Variants in ANKRD10 observed in about 807,000 individuals in gnomAD.
ANKRD10 encodes ankyrin repeat domain 10, also known as ankyrin repeat domain-containing protein 10.
A neutral mutation model predicts 27.0 loss-of-function variants in ANKRD10; 14 were observed. The observed-to-expected ratio is 0.52, with a 90% CI of 0.34 to 0.81. ANKRD10 has a LOEUF of 0.81. Among genes scored for constraint, ANKRD10 ranks in the 40% least tolerant of loss-of-function variants. The probability of loss-of-function intolerance (pLI) is 0.01; values close to 1 mark genes in which losing one functional copy is unlikely to be tolerated. For missense variants in ANKRD10, 493 were observed against 544.0 expected, an observed-to-expected ratio of 0.91 and a Z score of 0.93; for synonymous variants, 250 against 224.5, an observed-to-expected ratio of 1.11 and a Z score of -1.01.
At position 110,879,701 on chromosome 13, in the gene ANKRD10, A is replaced by T; in HGVS notation, c.1199T>A (p.Val400Glu). 1 of 1,614,164 alleles carries T rather than the reference A, an allele frequency of 6.2e-7. No homozygotes were observed. Among genetic ancestry groups the T allele is most frequent in the African/African-American group, 1.3e-5 (1 of 75,040 alleles). Reference protein sequence around the residue: ...LNSVVEHSKSVKVQERYDSAV... With the variant: ...LNSVVEHSKSEKVQERYDSAV... ...ACTGTCGTACCGCTCCTGCACCTTC[A>T]CGGACTTGGAATGCTCGACCACACT... The change falls in exon 6 of 6, where the codon GTG becomes GAG. Residue 400 changes from valine (V) to glutamate (E), a missense_variant. Val to Glu is a moderately radical substitution (Grantham distance 121). Coordinates refer to ENST00000267339, the MANE Select transcript of ANKRD10 (RefSeq NM_017664.4).
intron 2 of ANKRD10, 89 bp from the exon 3 acceptor site, chr13:110,906,213 T>C: frequency 1.0e-6 from 1 of 975,810 alleles, no homozygotes; most frequent in Non-Finnish European, 1.5e-6. Flanking sequence ...ATCAGAGACC[T>C]TCTCATCCTT....
intron 4 of ANKRD10, among the ~76,000 whole-genome samples, chr13:110,886,998 G>A (rs2138826906): frequency 1.3e-5 from 2 of 152,216 alleles, no homozygotes; most frequent in East Asian, 3.9e-4. Flanking sequence ...ACCTATCTAG[G>A]ACTAGCTCAA....
At chr13:110,914,441 T>G in intron 1 of ANKRD10, 1 of 267,148 alleles carries the variant, frequency 3.7e-6, no homozygotes, top group Non-Finnish European at 6.9e-6. Flanking sequence ...GCCCGCCTTG[T>G]TAGAAACTTG....
intron 1 of ANKRD10, among the ~76,000 whole-genome samples, chr13:110,911,207 T>TG (rs1296625479): frequency 6.6e-6 from 1 of 152,068 alleles, no homozygotes; most frequent in African/African-American, 2.4e-5. Flanking sequence ...CCTAGCACTT[T>TG]GGGAGGCCAA....
chr13:110,912,967 C>A (rs893425046), intron 1 of ANKRD10, among the ~76,000 whole-genome samples: 1 of 152,208 alleles, frequency 6.6e-6, no homozygotes, highest in African/African-American at 2.4e-5. Flanking sequence ...CTTGTTACAA[C>A]ATTTGATGAC....
chr13:110,906,472 A>G (rs999484839), intron 2 of ANKRD10, among the ~76,000 whole-genome samples: 1 of 151,006 alleles, frequency 6.6e-6, no homozygotes, highest in Non-Finnish European at 1.5e-5. Context: ...CAACCAACCA[A>G]CCACACACAC....
chr13:110,911,067 T>C (rs2065687556), intron 1 of ANKRD10, among the ~76,000 whole-genome samples: 1 of 152,222 alleles, frequency 6.6e-6, no homozygotes, highest in African/African-American at 2.4e-5. Flanking sequence ...TCAGAAAATA[T>C]TGGACTGCGC....
At chr13:110,892,249 T>C (rs1394988993) in intron 4 of ANKRD10, among the ~76,000 whole-genome samples, 1 of 149,238 alleles carries the variant, frequency 6.7e-6, no homozygotes, top group African/African-American at 2.5e-5. Flanking sequence ...CTGGCCAACA[T>C]GGTGAAGCCC....
intron 2 of ANKRD10, 24 bp from the exon 3 acceptor site, chr13:110,906,148 T>C (rs953819263): frequency 2.6e-6 from 4 of 1,547,426 alleles, no homozygotes; most frequent in South Asian, 1.2e-5. Context: ...AAGCAAAATA[T>C]ACACATACTT....
intron 1 of ANKRD10, among the ~76,000 whole-genome samples, chr13:110,912,301 T>C (rs1437849351): frequency 6.6e-6 from 1 of 152,252 alleles, no homozygotes; most frequent in Non-Finnish European, 1.5e-5. Context: ...TCTTTTTCCA[T>C]TTCTCTTAGC....
At chr13:110,900,244 A>G (rs2065346710) in intron 3 of ANKRD10, among the ~76,000 whole-genome samples, 1 of 152,210 alleles carries the variant, frequency 6.6e-6, no homozygotes, top group Admixed American at 6.5e-5. Flanking sequence ...CTTTGTTTCA[A>G]TTTTGAAAAA....
intron 5 of ANKRD10, 121 bp downstream of exon 5, chr13:110,883,577 T>C: frequency 1.4e-6 from 2 of 1,448,118 alleles, no homozygotes; most frequent in Non-Finnish European, 1.8e-6. Flanking sequence ...ACAGGGGGTC[T>C]GCATTGCTGA....
chr13:110,904,338 G>A (rs1252383096), intron 3 of ANKRD10: 2 of 152,062 alleles, frequency 1.3e-5, no homozygotes, highest in Non-Finnish European at 2.9e-5. Context: ...AGACACTTGA[G>A]GGCCCTGTAA....
intron 2 of ANKRD10, among the ~76,000 whole-genome samples, chr13:110,906,892 C>T (rs893737217): frequency 1.6e-4 from 25 of 151,818 alleles, no homozygotes; most frequent in Non-Finnish European, 3.7e-4. Flanking sequence ...CCAGGAAAGC[C>T]ACTGTGAACA....
At chr13:110,892,099 T>C (rs1231382619) in intron 4 of ANKRD10, among the ~76,000 whole-genome samples, 1 of 151,232 alleles carries the variant, frequency 6.6e-6, no homozygotes, top group Non-Finnish European at 1.5e-5. Flanking sequence ...TGACTGCTTA[T>C]TTGCAAACTC....
At chr13:110,902,852 A>G (rs2065422577) in intron 3 of ANKRD10, among the ~76,000 whole-genome samples, 1 of 146,272 alleles carries the variant, frequency 6.8e-6, no homozygotes, top group African/African-American at 2.4e-5. Flanking sequence ...GCAAAAAGCT[A>G]TTTTACTAGC....
intron 4 of ANKRD10, among the ~76,000 whole-genome samples, chr13:110,888,038 C>G (rs2064979221): frequency 6.6e-6 from 1 of 152,146 alleles, no homozygotes; most frequent in Non-Finnish European, 1.5e-5. Context: ...AATTGTTTTT[C>G]TATTATGAGG....
At chr13:110,905,036 G>A (rs1284526611) in intron 3 of ANKRD10, 1 of 152,110 alleles carries the variant, frequency 6.6e-6, no homozygotes, top group Non-Finnish European at 1.5e-5. Flanking sequence ...CTAGTTTTGT[G>A]GGTTTTATTT....
At position 110,902,721 on chromosome 13, in the gene ANKRD10, TC is replaced by T. The variant is rs552396924; in HGVS notation, c.455+3311del. 1.6e-4 allele frequency among the ~76,000 whole-genome samples: 25 copies of T among 152,340 alleles called. No individual in the cohort carries two copies. In the East Asian group the frequency reaches 4.8e-3, roughly 29 times the overall value. On this transcript the variant is annotated intron_variant, in intron 3 of 5. Coordinates refer to ENST00000267339, the MANE Select transcript of ANKRD10 (RefSeq NM_017664.4). ...AAGAAATCCTCTCCTGTAGAAAAGT[TC>T]TGAGACTCTGCCATTAAACACTGGC...
Sources: allele counts gnomAD v4.1 joint callset (sites outside exome capture counted in the v4.1 genomes callset), GRCh38; gene constraint gnomAD v4.1.1; transcripts MANE v1.5; gene names NCBI Gene and HGNC (gene_info 2026-07-23, HGNC 2026-07-21).